The following SPPL3 variants were observed in gnomAD, a reference collection of about 807,000 sequenced individuals.
The protein encoded by SPPL3 is signal peptide peptidase like 3.
Under a neutral mutation model 42.4 loss-of-function variants are expected in SPPL3, and 5 were observed. That is an observed-to-expected ratio of 0.12 (90% confidence interval 0.06 to 0.25). SPPL3 has a LOEUF of 0.25. SPPL3 is among the 10% of genes least tolerant of loss of function. SPPL3 has a pLI of 1.00. For synonymous variants in SPPL3, 195 were observed against 181.8 expected, an observed-to-expected ratio of 1.07 and a Z score of -0.58; for missense variants, 235 against 489.0, an observed-to-expected ratio of 0.48 and a Z score of 4.90.
intron 1 of SPPL3, among the ~76,000 whole-genome samples, chr12:120,889,955 AAAT>A (rs1330023553): frequency 4.6e-5 from 7 of 152,202 alleles, no homozygotes; most frequent in Non-Finnish European, 1.0e-4. Flanking sequence ...TTGAAAAAAA[AAAT>A]AATTTTGCTG....
chr12:120,784,616 T>C, intron 3 of SPPL3, 23 bp from the exon 4 acceptor site: 1 of 1,584,516 alleles, frequency 6.3e-7, no homozygotes, highest in Non-Finnish European at 8.6e-7. Context: ...AACAGACAGA[T>C]TAATAACTTA....
At chr12:120,853,701 A>T (rs1872337959) in intron 1 of SPPL3, among the ~76,000 whole-genome samples, 1 of 152,112 alleles carries the variant, frequency 6.6e-6, no homozygotes. Flanking sequence ...CGCTGTACCT[A>T]CCCCAGAGTT....
chr12:120,840,959 CATTA>C, intron 1 of SPPL3, among the ~76,000 whole-genome samples: 2 of 143,118 alleles, frequency 1.4e-5, no homozygotes, highest in Non-Finnish European at 3.1e-5. Context: ...TTCATTCATT[CATTA>C]ATAAATAAAT....
chr12:120,782,509 G>A, intron 6 of SPPL3, 146 bp downstream of exon 6: 1 of 566,404 alleles, frequency 1.8e-6, no homozygotes, highest in Non-Finnish European at 3.1e-6. Context: ...TAAGGGGAAT[G>A]ACCGCTCATT....
At chr12:120,806,001 CTTT>C (rs397710393) in intron 2 of SPPL3, among the ~76,000 whole-genome samples, 4 of 132,966 alleles carry the variant, frequency 3.0e-5, no homozygotes, top group East Asian at 4.3e-4. Flanking sequence ...TCCCTGCAGG[CTTT>C]TTTTTTTTTT....
Position 120,766,310 on chromosome 12 carries a change from A to G in SPPL3, c.1036T>C (p.Leu346=), listed in dbSNP as rs770089188. 2 of 1,601,560 alleles carry G rather than the reference A, an allele frequency of 1.2e-6. No individual in the cohort carries two copies. The highest frequency in any genetic ancestry group is 1.7e-6 in the Non-Finnish European group (2 of 1,174,612). ...HRAAQPALLY[L]VPFTLLPLLT... is the part of the protein sequence containing the mutation. ...AGTGGCAATAAAGTAAATGGCACCAAATAGAGAAGGGCGGGCTGGGCGGCC... is the reference window on the plus strand; with the variant it reads ...AGTGGCAATAAAGTAAATGGCACCAGATAGAGAAGGGCGGGCTGGGCGGCC... The change falls in exon 10 of 11, where the codon TTG becomes CTG. Residue 346 remains leucine, a synonymous_variant. Transcript: ENST00000353487.
rs1247820406 is a variant in SPPL3 at position 120,762,593 on chromosome 12, CCTTTT to C, written c.*2401_*2405del. 8.6e-6 allele frequency: 1 copy of C among 115,816 alleles called. No individual in the cohort carries two copies. Among genetic ancestry groups the C allele is most frequent in the African/African-American group, 3.7e-5 (1 of 27,374 alleles). 7.2% of individuals were successfully genotyped at this position (115,816 alleles called of 1,614,324 possible). ...ATGACCCACTGCCAGGATAACATTT[CCTTTT>C]TTTTTTTTTTTTTGAGATGGAGTCT... On this transcript the variant is annotated 3_prime_UTR_variant, in exon 11 of 11. Transcript: ENST00000353487.
At chr12:120,789,882 T>C (rs1869857469) in intron 3 of SPPL3, among the ~76,000 whole-genome samples, 2 of 148,722 alleles carry the variant, frequency 1.3e-5, no homozygotes, top group South Asian at 2.1e-4. Context: ...TTCTTTCCAC[T>C]GTACGGACTG....
intron 3 of SPPL3, among the ~76,000 whole-genome samples, chr12:120,785,255 CAA>C (rs34930618): frequency 3.4e-5 from 5 of 146,640 alleles, no homozygotes; most frequent in Admixed American, 2.7e-4. Context: ...TTAATATTTA[CAA>C]AAAAAAAAAT....
chr12:120,766,100 GCACACA>G lies in SPPL3; in HGVS notation c.1083+157_1083+162del, dbSNP rs111837123. Among the ~76,000 whole-genome samples the G allele has an allele frequency of 9.4e-3, 789 of 84,114 alleles. 6 individuals are homozygous for G. The highest frequency in any genetic ancestry group is 0.023 in the Middle Eastern group (3 of 128). The allele number at this position is 84,114 out of a possible 152,430, so 55.2% of individuals were successfully genotyped here. On this transcript the variant is annotated intron_variant, in intron 10 of 10. Transcript: ENST00000353487. The stretch of plus-strand genomic sequence containing the variant: ...GCTAACGCCAGGGTAGCGCGCGCGC[GCACACA>G]CACACACACACACACACACACACAC...
At chr12:120,865,610 C>G (rs1221050397) in intron 1 of SPPL3, among the ~76,000 whole-genome samples, 2 of 152,194 alleles carry the variant, frequency 1.3e-5, no homozygotes, top group African/African-American at 4.8e-5. Context: ...ATATATTATA[C>G]TACTATAATC....
At chr12:120,809,835 C>T (rs1420903558) in intron 2 of SPPL3, among the ~76,000 whole-genome samples, 1 of 152,060 alleles carries the variant, frequency 6.6e-6, no homozygotes, top group Non-Finnish European at 1.5e-5. Flanking sequence ...TTTCTGTGGG[C>T]CAAAATATTA....
At chr12:120,844,903 G>GT (rs1871968480) in intron 1 of SPPL3, among the ~76,000 whole-genome samples, 1 of 151,608 alleles carries the variant, frequency 6.6e-6, no homozygotes, top group Non-Finnish European at 1.5e-5. Flanking sequence ...TTGCACAGGA[G>GT]TAACAGAAAC....
intron 1 of SPPL3, among the ~76,000 whole-genome samples, chr12:120,852,423 C>T (rs1450111274): frequency 1.3e-3 from 16 of 12,072 alleles, no homozygotes; most frequent in Admixed American, 3.1e-3. Flanking sequence ...ATATAATATA[C>T]ATATTTTACA....
chr12:120,796,301 G>A lies in SPPL3; in HGVS notation c.102-4744C>T, dbSNP rs554827460. Among the ~76,000 whole-genome samples the A allele has an allele frequency of 7.2e-5, 11 of 152,210 alleles. No individual in the cohort carries two copies. In the East Asian group the frequency reaches 1.9e-3, roughly 27 times the overall value. On this transcript the variant is annotated intron_variant, in intron 2 of 10. Transcript: ENST00000353487. Reference sequence around the variant, plus strand: ...TGAGGCAGGAGAATTGCTTGAACCCGGAAGGCAGAGGTTGCAGTGAGCTGA... The same window carrying A: ...TGAGGCAGGAGAATTGCTTGAACCCAGAAGGCAGAGGTTGCAGTGAGCTGA...
At chr12:120,777,318 C>A (rs1462458312) in intron 6 of SPPL3, among the ~76,000 whole-genome samples, 1 of 152,198 alleles carries the variant, frequency 6.6e-6, no homozygotes, top group East Asian at 1.9e-4. Flanking sequence ...AAAATTTATT[C>A]TCTGTGCCCC....
chr12:120,895,578 C>G (rs993104279), intron 1 of SPPL3, among the ~76,000 whole-genome samples: 4 of 152,200 alleles, frequency 2.6e-5, no homozygotes, highest in African/African-American at 9.7e-5. Context: ...TAAAGGACAT[C>G]TCAAAGTTTA....
At chr12:120,809,015 G>A (rs1431468189) in intron 2 of SPPL3, among the ~76,000 whole-genome samples, 1 of 152,198 alleles carries the variant, frequency 6.6e-6, no homozygotes, top group Non-Finnish European at 1.5e-5. Context: ...TTCTGAGAGT[G>A]GTTATGAATC....
At chr12:120,853,387 T>C (rs1396280935) in intron 1 of SPPL3, among the ~76,000 whole-genome samples, 2 of 152,184 alleles carry the variant, frequency 1.3e-5, no homozygotes, top group African/African-American at 4.8e-5. Flanking sequence ...CCCAAAGGAA[T>C]TGCACTTACT....
Sources: gnomAD v4.1 joint callset for allele counts (sites outside exome capture counted in the v4.1 genomes callset) on GRCh38, gnomAD v4.1.1 for gene constraint, MANE v1.5 for transcripts, NCBI Gene and HGNC (gene_info 2026-07-23, HGNC 2026-07-21) for gene names.